LYPLA1: variants seen among roughly 807,000 people sequenced by gnomAD.
LYPLA1 encodes acyl-protein thioesterase 1.
In LYPLA1, 17 loss-of-function variants were observed where a neutral mutation model predicts 34.0. The ratio of observed to expected loss-of-function variants is 0.50; its 90% CI spans 0.34 to 0.75. The LOEUF (loss-of-function observed/expected upper bound fraction) is 0.75, where lower values mean the gene tolerates loss of function less well. LYPLA1 is among the 30% of genes least tolerant of loss of function. The pLI is 0.01. For synonymous variants in LYPLA1, 98 were observed against 100.8 expected, an observed-to-expected ratio of 0.97 and a Z score of 0.17; for missense variants, 203 against 288.8, an observed-to-expected ratio of 0.70 and a Z score of 2.15.
intron 2 of LYPLA1, among the ~76,000 whole-genome samples, chr8:54,083,023 G>T (rs1416999031): frequency 1.3e-5 from 2 of 152,118 alleles, no homozygotes; most frequent in Non-Finnish European, 2.9e-5. Flanking sequence ...ACCGCACCCG[G>T]TCTCATTGTA....
At chr8:54,068,638 ACATGTAAT>A (rs923793226) in intron 2 of LYPLA1, among the ~76,000 whole-genome samples, 14 of 152,250 alleles carry the variant, frequency 9.2e-5, no homozygotes, top group Non-Finnish European at 1.8e-4. Flanking sequence ...GTGGATATCC[ACATGTAAT>A]ACAAAGAAGT....
At chr8:54,100,140 C>T (rs1004342710) in intron 2 of LYPLA1, 2 of 152,082 alleles carry the variant, frequency 1.3e-5, no homozygotes, top group Non-Finnish European at 2.9e-5. Flanking sequence ...AAAACAAAAA[C>T]ATCTCAATAT....
At chr8:54,090,855 G>A (rs866865770) in intron 2 of LYPLA1, among the ~76,000 whole-genome samples, 10 of 152,266 alleles carry the variant, frequency 6.6e-5, no homozygotes, top group South Asian at 6.2e-4. Flanking sequence ...ATGACAGTGA[G>A]TTCTCATTTG....
intron 2 of LYPLA1, among the ~76,000 whole-genome samples, chr8:54,085,925 T>C (rs1425296297): frequency 6.6e-6 from 1 of 152,062 alleles, no homozygotes; most frequent in Non-Finnish European, 1.5e-5. Context: ...CCACCCTGTC[T>C]GGGAGGTGTA....
chr8:54,094,793 G>A (rs1225423621), intron 2 of LYPLA1, among the ~76,000 whole-genome samples: 1 of 152,152 alleles, frequency 6.6e-6, no homozygotes, highest in Non-Finnish European at 1.5e-5. Context: ...TAAGAATGAG[G>A]ATATGTCCAA....
chr8:54,096,481 G>A (rs1041113903), intron 2 of LYPLA1, among the ~76,000 whole-genome samples: 3 of 152,178 alleles, frequency 2.0e-5, no homozygotes, highest in Non-Finnish European at 4.4e-5. Flanking sequence ...GCTCACGCCT[G>A]TAATCCCAGC....
At chr8:54,055,539 C>T (rs1806147177) in intron 5 of LYPLA1, among the ~76,000 whole-genome samples, 1 of 151,812 alleles carries the variant, frequency 6.6e-6, no homozygotes, top group Non-Finnish European at 1.5e-5. Flanking sequence ...AATCCATGAC[C>T]ATGGAATATT....
chr8:54,085,984 G>A (rs184901060), intron 2 of LYPLA1, among the ~76,000 whole-genome samples: 16 of 152,276 alleles, frequency 1.1e-4, no homozygotes, highest in East Asian at 3.9e-4. Context: ...CGGTTTTGTC[G>A]AATAGAAAAC....
In LYPLA1 at chr8:54,101,697, G is replaced by A. The variant is rs1277302932; in HGVS notation, c.69+58C>T. The A allele has an allele frequency of 4.2e-5, 52 of 1,238,202 alleles. 1 individual carries two copies. In the East Asian group the frequency reaches 5.4e-4, roughly 13 times the overall value. 76.7% of individuals were successfully genotyped at this position (1,238,202 alleles called of 1,614,324 possible). The stretch of plus-strand genomic sequence containing the variant: ...CCCGCAACGCCCACCCCGCGCGAGG[G>A]GCAACCACCGGTGGCCGGCCCAGTG... On this transcript the variant is annotated intron_variant, in intron 1 of 8. Coordinates refer to ENST00000316963, the MANE Select transcript of LYPLA1 (RefSeq NM_006330.4).
At chr8:54,083,175 C>G (rs570365438) in intron 2 of LYPLA1, among the ~76,000 whole-genome samples, 1 of 152,094 alleles carries the variant, frequency 6.6e-6, no homozygotes, top group African/African-American at 2.4e-5. Context: ...ACTTAAAAAT[C>G]AGAGACAGAA....
At chr8:54,075,550 G>A (rs1331239048) in intron 2 of LYPLA1, among the ~76,000 whole-genome samples, 3 of 152,186 alleles carry the variant, frequency 2.0e-5, no homozygotes, top group Non-Finnish European at 4.4e-5. Flanking sequence ...GACGGCAGAA[G>A]AAAACCTGAG....
downstream of LYPLA1, chr8:54,046,331 C>G (rs1208754576): frequency 6.6e-6 from 1 of 152,414 alleles, no homozygotes; most frequent in Admixed American, 6.5e-5. Flanking sequence ...ACATTCATTC[C>G]AAATGTTAAC....
At chr8:54,067,709 T>G (rs908199227) in intron 2 of LYPLA1, among the ~76,000 whole-genome samples, 1 of 151,384 alleles carries the variant, frequency 6.6e-6, no homozygotes, top group African/African-American at 2.4e-5. Context: ...TTTTTTTTTT[T>G]TTTTGAGACA....
At chr8:54,093,070 C>T (rs888349986) in intron 2 of LYPLA1, among the ~76,000 whole-genome samples, 1 of 152,220 alleles carries the variant, frequency 6.6e-6, no homozygotes, top group Non-Finnish European at 1.5e-5. Flanking sequence ...AGATCAGATT[C>T]TTGACTGAAC....
intron 2 of LYPLA1, among the ~76,000 whole-genome samples, chr8:54,099,643 C>T (rs1049419051): frequency 6.6e-6 from 1 of 152,096 alleles, no homozygotes; most frequent in South Asian, 2.1e-4. Flanking sequence ...GCCAGGGCAA[C>T]ACAGCAGACC....
chr8:54,068,823 T>C (rs191416502), intron 2 of LYPLA1, among the ~76,000 whole-genome samples: 1 of 152,128 alleles, frequency 6.6e-6, no homozygotes, highest in African/African-American at 2.4e-5. Flanking sequence ...ATAGATAAAT[T>C]AGAAATCATC....
At chr8:54,081,893 C>A (rs937313425) in intron 2 of LYPLA1, among the ~76,000 whole-genome samples, 1 of 151,998 alleles carries the variant, frequency 6.6e-6, no homozygotes, top group African/African-American at 2.4e-5. Flanking sequence ...CCACACCTGG[C>A]TAATTTTTGT....
At chr8:54,087,857 T>G (rs2129359324) in intron 2 of LYPLA1, among the ~76,000 whole-genome samples, 1 of 152,332 alleles carries the variant, frequency 6.6e-6, no homozygotes, top group Non-Finnish European at 1.5e-5. Context: ...AGGGTACACT[T>G]GCCAGTAGCT....
rs761071028 is a variant in LYPLA1 at position 54,048,073 on chromosome 8, T to C, written c.685A>G (p.Ile229Val). Residue 229 changes from isoleucine to valine, a missense_variant, in exon 9 of 9, where the codon ATT (isoleucine) becomes GTT (valine). Physicochemically the swap from Ile to Val is conservative, Grantham distance 29 (BLOSUM62 3). This residue lies in a region of LYPLA1 where 123 missense variants were observed against 199.2 expected (regional missense o/e 0.62). Coordinates refer to ENST00000316963, the MANE Select transcript of LYPLA1 (RefSeq NM_006330.4). ...KQFIDKLLPP[I>V]D ...AAGGCCTCTTAGTGACGTCAATCAATTGGAGGTAGGAGTTTATCAATGAAT... is the reference window on the plus strand; with the variant it reads ...AAGGCCTCTTAGTGACGTCAATCAACTGGAGGTAGGAGTTTATCAATGAAT... 7.5e-6 allele frequency: 12 copies of C among 1,608,752 alleles called. No homozygotes were observed. Among genetic ancestry groups the C allele is most frequent in the Admixed American group, 1.7e-5 (1 of 59,954 alleles).
Sources: gnomAD v4.1 joint callset for allele counts (sites outside exome capture counted in the v4.1 genomes callset) on GRCh38, gnomAD v4.1.1 for gene constraint, gnomAD v4.1.1 regional missense constraint, MANE v1.5 for transcripts, NCBI Gene and HGNC (gene_info 2026-07-23, HGNC 2026-07-21) for gene names.